PRMT3: variants seen among roughly 807,000 people sequenced by gnomAD.
PRMT3 encodes protein arginine methyltransferase 3.
A neutral mutation model predicts 71.9 loss-of-function variants in PRMT3; 62 were observed. The observed-to-expected ratio is 0.86, with a 90% CI of 0.70 to 1.07. The LOEUF is 1.07. Ranked by LOEUF, PRMT3 falls within the 50% of genes least tolerant of loss-of-function variation. The pLI, the probability that PRMT3 is intolerant of heterozygous loss-of-function variation, is 0.00. For synonymous variants in PRMT3, 213 were observed against 220.4 expected (o/e 0.97, Z 0.30); for missense variants, 663 against 643.0 (o/e 1.03, Z -0.34).
chr11:20,478,325 A>G (rs996393732), intron 13 of PRMT3, among the ~76,000 whole-genome samples: 3 of 152,164 alleles, frequency 2.0e-5, no homozygotes, highest in African/African-American at 7.2e-5. Flanking sequence ...GGGCCTACAT[A>G]TTTAGAATTT....
At chr11:20,455,228 T>C (rs1043799612) in intron 11 of PRMT3, among the ~76,000 whole-genome samples, 6 of 152,172 alleles carry the variant, frequency 3.9e-5, no homozygotes, top group African/African-American at 1.4e-4. Flanking sequence ...TTTTATGTGC[T>C]AACCGTGTCA....
At chr11:20,392,375 A>T (rs1011922122) in intron 4 of PRMT3, 115 bp downstream of exon 4, 1 of 1,128,362 alleles carries the variant, frequency 8.9e-7, no homozygotes, top group African/African-American at 1.6e-5. Context: ...TTTGGTACTC[A>T]TCATATTGGG....
chr11:20,413,597 C>T (rs1254061965), intron 9 of PRMT3, among the ~76,000 whole-genome samples: 5 of 152,136 alleles, frequency 3.3e-5, no homozygotes, highest in African/African-American at 7.2e-5. Context: ...ATCTGTTTGG[C>T]TTGGCATCAA....
chr11:20,452,007 A>G, intron 10 of PRMT3, 123 bp from the exon 11 acceptor site: 1 of 602,474 alleles, frequency 1.7e-6, no homozygotes, highest in Non-Finnish European at 2.6e-6. Flanking sequence ...GCAGAATATT[A>G]TTACATCTGT....
At chr11:20,504,589 C>T (rs1030925144) in intron 15 of PRMT3, among the ~76,000 whole-genome samples, 2 of 152,112 alleles carry the variant, frequency 1.3e-5, no homozygotes, top group African/African-American at 2.4e-5. Context: ...CTTTCACTCA[C>T]GAGAGAGTGG....
Position 20,428,660 on chromosome 11 carries a change from C to T in PRMT3, c.993+1795C>T, listed in dbSNP as rs971571343. ...AAGTTGTACTGGAATCCATTTTGTA[C>T]CCTTCTGCTTTCTTCTGTACCAAGG... On this transcript the variant is annotated intron_variant, in intron 10 of 15. Transcript: ENST00000331079. 3.3e-5 allele frequency among the ~76,000 whole-genome samples: 5 copies of T among 152,166 alleles called. No individual in the cohort carries two copies. The East Asian group carries it at 9.6e-4, about 29-fold the overall frequency.
chr11:20,488,698 CTA>C (rs1450895431), intron 13 of PRMT3, among the ~76,000 whole-genome samples: 3 of 152,144 alleles, frequency 2.0e-5, no homozygotes, highest in Admixed American at 6.5e-5. Flanking sequence ...CTCATAAGGT[CTA>C]GTCTGATCTT....
At chr11:20,408,976 A>C (rs1391516748) in intron 9 of PRMT3, among the ~76,000 whole-genome samples, 1 of 152,098 alleles carries the variant, frequency 6.6e-6, no homozygotes, top group Non-Finnish European at 1.5e-5. Context: ...GCATGCCTGT[A>C]ATTCCACCTA....
intron 2 of PRMT3, 120 bp downstream of exon 2, chr11:20,388,274 C>A: frequency 1.4e-6 from 2 of 1,425,072 alleles, no homozygotes; most frequent in Non-Finnish European, 1.9e-6. Context: ...AATTCTGGAA[C>A]CACTGGTCTG....
At chr11:20,465,191 G>A (rs7126986) in intron 13 of PRMT3, among the ~76,000 whole-genome samples, 147,940 of 152,076 alleles carry the variant, frequency 0.97, 72,285 homozygotes, top group Middle Eastern at 1. Flanking sequence ...GAAAATACCT[G>A]CAATGTAGCC....
intron 13 of PRMT3, among the ~76,000 whole-genome samples, chr11:20,474,201 CTT>C (rs1457062424): frequency 1.3e-5 from 2 of 152,156 alleles, no homozygotes; most frequent in Non-Finnish European, 2.9e-5. Context: ...AGTCTGGCTC[CTT>C]TTTGGTAGTG....
intron 15 of PRMT3, among the ~76,000 whole-genome samples, chr11:20,502,525 AT>A (rs1205666415): frequency 6.6e-6 from 1 of 152,144 alleles, no homozygotes; most frequent in East Asian, 1.9e-4. Context: ...GATGCTTAGC[AT>A]TTTTTCTTTT....
intron 12 of PRMT3, 100 bp downstream of exon 12, chr11:20,462,267 AC>A (rs1850403657): frequency 1.0e-6 from 1 of 962,504 alleles, no homozygotes; most frequent in Non-Finnish European, 1.5e-6. Context: ...GGCTTTCAAA[AC>A]AGTACTTTTC....
At chr11:20,407,829 A>G (rs2133322605) in intron 8 of PRMT3, 82 bp from the exon 9 acceptor site, 4 of 1,353,662 alleles carry the variant, frequency 3.0e-6, no homozygotes, top group East Asian at 2.5e-5. Context: ...AGCCAGAAAC[A>G]TCATAATATA....
At chr11:20,466,431 T>C (rs2133408494) in intron 13 of PRMT3, among the ~76,000 whole-genome samples, 1 of 152,304 alleles carries the variant, frequency 6.6e-6, no homozygotes, top group Non-Finnish European at 1.5e-5. Flanking sequence ...AACCCTTTAC[T>C]ACCATCCTGG....
chr11:20,412,050 A>C (rs1849204804), intron 9 of PRMT3, among the ~76,000 whole-genome samples: 1 of 152,214 alleles, frequency 6.6e-6, no homozygotes, highest in Admixed American at 6.5e-5. Context: ...GGACTAAAGA[A>C]GCAGACTTAT....
At chr11:20,468,134 A>G (rs1434866911) in intron 13 of PRMT3, among the ~76,000 whole-genome samples, 1 of 152,230 alleles carries the variant, frequency 6.6e-6, no homozygotes, top group East Asian at 1.9e-4. Flanking sequence ...TAGTAAAGGA[A>G]TAAATAAAGT....
intron 15 of PRMT3, among the ~76,000 whole-genome samples, chr11:20,502,773 A>G (rs1209897222): frequency 2.0e-5 from 3 of 152,198 alleles, no homozygotes; most frequent in Non-Finnish European, 2.9e-5. Context: ...TGTAAATGAA[A>G]GAGCAGCAAC....
In PRMT3 at chr11:20,422,030, AC is replaced by A. The variant is rs138144588; in HGVS notation, c.894-4732del. Among the ~76,000 whole-genome samples the A allele has an allele frequency of 9.5e-3, 1,448 of 152,218 alleles. 28 individuals are homozygous for A. Among genetic ancestry groups the A allele is most frequent in the African/African-American group, 0.034 (1,396 of 41,528 alleles). On this transcript the variant is annotated intron_variant, in intron 9 of 15. Transcript: ENST00000331079. ...ATGTGGGGAAGAGAGTATGGCAGTTACCCCTCTTGCGGTAGGTATGCTGCAA... is the reference window on the plus strand; with the variant it reads ...ATGTGGGGAAGAGAGTATGGCAGTTACCCTCTTGCGGTAGGTATGCTGCAA...
Sources: gnomAD v4.1 joint callset for allele counts (sites outside exome capture counted in the v4.1 genomes callset) on GRCh38, gnomAD v4.1.1 for gene constraint, MANE v1.5 for transcripts, NCBI Gene and HGNC (gene_info 2026-07-23, HGNC 2026-07-21) for gene names.